LARP4B: variants seen among roughly 807,000 people sequenced by gnomAD.
The protein encoded by LARP4B is La ribonucleoprotein 4B.
LARP4B carries 12 observed loss-of-function variants against 89.8 expected under a neutral mutation model. The ratio of observed to expected loss-of-function variants is 0.13; its 90% CI spans 0.09 to 0.22. The LOEUF (loss-of-function observed/expected upper bound fraction) is 0.22. Among genes scored for constraint, LARP4B ranks in the 10% least tolerant of loss-of-function variants. The pLI, the probability that LARP4B is intolerant of heterozygous loss-of-function variation, is 1.00. For missense variants in LARP4B, 757 were observed against 947.7 expected (o/e 0.80, Z 2.64); for synonymous variants, 367 against 363.3 (o/e 1.01, Z -0.12).
chr10:837,127 C>T (rs148037084), intron 7 of LARP4B, among the ~76,000 whole-genome samples: 51 of 152,224 alleles, frequency 3.4e-4, no homozygotes, highest in Middle Eastern at 6.8e-3. Flanking sequence ...AAGATAACAA[C>T]GGAATATTAT....
At chr10:852,811 T>C (rs559124545) in intron 5 of LARP4B, among the ~76,000 whole-genome samples, 2 of 152,332 alleles carry the variant, frequency 1.3e-5, no homozygotes, top group African/African-American at 2.4e-5. Flanking sequence ...TAAAAATGAA[T>C]GCTTTGATAT....
intron 1 of LARP4B, among the ~76,000 whole-genome samples, chr10:901,796 A>G (rs1255355869): frequency 3.9e-5 from 6 of 152,190 alleles, no homozygotes; most frequent in Non-Finnish European, 7.3e-5. Context: ...ATATGTGTAC[A>G]TCGGTGCTTC....
the LARP4B span, among the ~76,000 whole-genome samples, chr10:961,309 C>T: frequency 6.6e-6 from 1 of 152,258 alleles, no homozygotes; most frequent in Admixed American, 6.5e-5. Context: ...GTTTATTTGG[C>T]TCACGGTTCT....
chr10:886,336 C>G (rs1835856849), intron 1 of LARP4B, among the ~76,000 whole-genome samples: 1 of 152,170 alleles, frequency 6.6e-6, no homozygotes, highest in Non-Finnish European at 1.5e-5. Flanking sequence ...GTGGAAGAAA[C>G]AGAACCTTTG....
Position 918,632 on chromosome 10 carries a change from C to CAA in LARP4B, c.-40+12794_-40+12795dup, listed in dbSNP as rs57396015. Among the ~76,000 whole-genome samples, 298 of 47,056 alleles carry CAA rather than the reference C, an allele frequency of 6.3e-3. 1 individual carries two copies. The highest frequency in any genetic ancestry group is 0.026 in the Middle Eastern group (2 of 78). The allele number at this position is 47,056 out of a possible 152,430, so 30.9% of individuals were successfully genotyped here. A position where few individuals can be genotyped will look rare whatever the true frequency, so the allele number is the denominator to read the frequency against. ...CTGGCAACAGAGTGAGACCCTGTCTCAAAAAAAAAAAAAAAAAAAAAAAAG... is the reference window on the plus strand; with the variant it reads ...CTGGCAACAGAGTGAGACCCTGTCTCAAAAAAAAAAAAAAAAAAAAAAAAAAG... On this transcript the variant is annotated intron_variant, in intron 1 of 17. Transcript: ENST00000316157.
the LARP4B span, among the ~76,000 whole-genome samples, chr10:954,648 G>A: frequency 8.1e-3 from 1,239 of 152,246 alleles, 19 homozygotes; most frequent in African/African-American, 0.027. This position sits in a 1 kb window ranked among gnomAD's most constrained non-coding sequence, Gnocchi z 5.0. Context: ...GGGTCTGGGG[G>A]TGCGGCCGTG....
At chr10:818,911 G>T (rs1429974911) in intron 14 of LARP4B, 1 of 152,230 alleles carries the variant, frequency 6.6e-6, no homozygotes, top group Admixed American at 6.5e-5. Flanking sequence ...AGAAGTGAAA[G>T]CAGGTCAAAG....
intron 14 of LARP4B, chr10:819,696 A>G (rs1037694691): frequency 1.1e-4 from 17 of 152,362 alleles, no homozygotes; most frequent in Admixed American, 9.1e-4. Flanking sequence ...TGTTAGTCCA[A>G]ATGGTCACAG....
intron 3 of LARP4B, among the ~76,000 whole-genome samples, chr10:872,676 C>T (rs1453367040): frequency 6.6e-6 from 1 of 152,216 alleles, no homozygotes; most frequent in African/African-American, 2.4e-5. Flanking sequence ...CTCACAAAGG[C>T]TTCCTCCTGC....
At chr10:977,137 A>T in the LARP4B span, among the ~76,000 whole-genome samples, 1 of 151,980 alleles carries the variant, frequency 6.6e-6, no homozygotes, top group African/African-American at 2.4e-5. Flanking sequence ...TGCTGAATTT[A>T]TTTTATTTAT....
chr10:857,236 T>C (rs1588919098), intron 5 of LARP4B, among the ~76,000 whole-genome samples: 1 of 151,930 alleles, frequency 6.6e-6, no homozygotes. Context: ...TAGGATAAGA[T>C]GCTAAGGGCT....
At chr10:974,526 G>C in the LARP4B span, among the ~76,000 whole-genome samples, 3 of 152,260 alleles carry the variant, frequency 2.0e-5, no homozygotes, top group East Asian at 1.9e-4. Context: ...AATGTGAAAG[G>C]CTCTCTTGAA....
At chr10:909,778 T>TC (rs1284042970) in intron 1 of LARP4B, among the ~76,000 whole-genome samples, 1 of 150,360 alleles carries the variant, frequency 6.7e-6, no homozygotes, top group African/African-American at 2.5e-5. Context: ...AGAATAAAAC[T>TC]CCATCTCTAA....
intron 1 of LARP4B, among the ~76,000 whole-genome samples, chr10:917,534 C>A (rs1468211499): frequency 6.6e-6 from 1 of 152,130 alleles, no homozygotes; most frequent in East Asian, 1.9e-4. Context: ...TATGTAGAGC[C>A]AATAAAAAGC....
chr10:904,795 T>C (rs1343820269), intron 1 of LARP4B, among the ~76,000 whole-genome samples: 1 of 152,148 alleles, frequency 6.6e-6, no homozygotes, highest in Non-Finnish European at 1.5e-5. Context: ...CTATGTCATG[T>C]TCTTTACTGC....
At chr10:892,363 C>T (rs1201016899) in intron 1 of LARP4B, among the ~76,000 whole-genome samples, 1 of 152,210 alleles carries the variant, frequency 6.6e-6, no homozygotes, top group Admixed American at 6.5e-5. Context: ...GAGACCATAA[C>T]TCTCTTAAAT....
chr10:968,946 TC>T, the LARP4B span, among the ~76,000 whole-genome samples: 1 of 152,202 alleles, frequency 6.6e-6, no homozygotes, highest in Admixed American at 6.5e-5. Flanking sequence ...CATTGTGCAT[TC>T]CCCGGAACAA....
At chr10:884,145 A>G (rs1588961857) in intron 3 of LARP4B, among the ~76,000 whole-genome samples, 1 of 152,384 alleles carries the variant, frequency 6.6e-6, no homozygotes, top group East Asian at 1.9e-4. Flanking sequence ...TCATCCGCAT[A>G]TAACAGATTA....
chr10:885,139 A>AC (rs1835814240), intron 2 of LARP4B, among the ~76,000 whole-genome samples: 2 of 152,132 alleles, frequency 1.3e-5, no homozygotes, highest in Non-Finnish European at 2.9e-5. Flanking sequence ...GCAGGCCATA[A>AC]AACACAGCTG....
Sources: allele counts gnomAD v4.1 joint callset (sites outside exome capture counted in the v4.1 genomes callset), GRCh38; gene constraint gnomAD v4.1.1; non-coding constraint Gnocchi (gnomAD v3.1); transcripts MANE v1.5; gene names NCBI Gene and HGNC (gene_info 2026-07-23, HGNC 2026-07-21).